Variants in PRDM16 observed in about 807,000 individuals in gnomAD.
The protein encoded by PRDM16 is PR/SET domain 16.
In PRDM16, 23 loss-of-function variants were observed where a neutral mutation model predicts 110.6. The ratio of observed to expected loss-of-function variants is 0.21; its 90% confidence interval spans 0.15 to 0.29. PRDM16 has a LOEUF of 0.29. Among genes scored for constraint, PRDM16 ranks in the 10% least tolerant of loss-of-function variants. PRDM16 has a pLI of 1.00. For missense variants in PRDM16, 1,615 were observed against 1,794.3 expected, an observed-to-expected ratio of 0.90 and a Z score of 1.81; for synonymous variants, 799 against 781.8, an observed-to-expected ratio of 1.02 and a Z score of -0.37.
rs2817140 is a variant in PRDM16 at position 3,190,052 on chromosome 1, A to G, written c.387+3578A>G. ...GGCTTTGGGATGACTGGGGAGGGTC[A>G]GGGGCTCTTCTCTCCCTGACATGGG... On this transcript the variant is annotated intron_variant, in intron 2 of 16. Transcript: ENST00000270722. The surrounding 1 kb of genome is among the most constrained non-coding windows in gnomAD (Gnocchi z 5.0). 0.9 allele frequency among the ~76,000 whole-genome samples: 137,534 copies of G among 152,174 alleles called. 62,330 individuals are homozygous for G. The highest frequency in any genetic ancestry group is 1 in the East Asian group (5,154 of 5,160).
At chr1:3,094,546 G>A (rs1465575433) in intron 1 of PRDM16, among the ~76,000 whole-genome samples, 2 of 152,198 alleles carry the variant, frequency 1.3e-5, no homozygotes, top group African/African-American at 2.4e-5. Context: ...CCCCCAGCAG[G>A]TTCAGAGCCA....
At chr1:3,346,784 C>G (rs1642371075) in intron 3 of PRDM16, among the ~76,000 whole-genome samples, 1 of 152,182 alleles carries the variant, frequency 6.6e-6, no homozygotes, top group South Asian at 2.1e-4. Flanking sequence ...AGGGAAGGGG[C>G]TCCTCTCACG....
intron 1 of PRDM16, among the ~76,000 whole-genome samples, chr1:3,128,405 T>C (rs552211190): frequency 6.6e-6 from 1 of 152,330 alleles, no homozygotes; most frequent in African/African-American, 2.4e-5. Flanking sequence ...CCTGCCTTTT[T>C]CTGATCACGA....
chr1:3,426,598 GCAC>G (rs1163094113), intron 14 of PRDM16, among the ~76,000 whole-genome samples: 1 of 152,206 alleles, frequency 6.6e-6, no homozygotes, highest in African/African-American at 2.4e-5. Context: ...CCAAAATGCT[GCAC>G]CTTTATACAC....
Position 3,350,082 on chromosome 1 carries a change from C to T in PRDM16, c.439-35070C>T, listed in dbSNP as rs1453368587. Among the ~76,000 whole-genome samples, 1 of 152,212 alleles carries T rather than the reference C, an allele frequency of 6.6e-6. No homozygotes were observed. The highest frequency in any genetic ancestry group is 1.5e-5 in the Non-Finnish European group (1 of 68,042). On this transcript the variant is annotated intron_variant, in intron 3 of 16. Transcript: ENST00000270722. The surrounding 1 kb of genome is among the most constrained non-coding windows in gnomAD (Gnocchi z 7.1). The stretch of plus-strand genomic sequence containing the variant: ...GGCCAGGTGCAGTGGCCCAAAATCC[C>T]AGCACCTTGGGAGGCCAAGGCGGGA...
At chr1:3,204,307 G>A (rs1448349287) in intron 2 of PRDM16, among the ~76,000 whole-genome samples, 1 of 152,140 alleles carries the variant, frequency 6.6e-6, no homozygotes, top group African/African-American at 2.4e-5. Context: ...TGGGGTAACT[G>A]TGGACCCCGC....
intron 2 of PRDM16, among the ~76,000 whole-genome samples, chr1:3,227,877 G>A (rs865812322): frequency 1.7e-4 from 26 of 152,346 alleles, no homozygotes; most frequent in African/African-American, 5.8e-4. Context: ...TAGAGCCGGC[G>A]TTCTCTCTTT....
At chr1:3,197,869 C>T (rs898817382) in intron 2 of PRDM16, among the ~76,000 whole-genome samples, 3 of 152,120 alleles carry the variant, frequency 2.0e-5, no homozygotes, top group Non-Finnish European at 2.9e-5. Flanking sequence ...AGGGGATGAG[C>T]GCGTGAACCT....
intron 2 of PRDM16, among the ~76,000 whole-genome samples, chr1:3,217,624 C>T (rs1875448): frequency 0.33 from 50,776 of 152,154 alleles, 13,391 homozygotes; most frequent in African/African-American, 0.73. Flanking sequence ...TTCTCCCAGC[C>T]ACTGTGGCTG....
chr1:3,269,894 AAGTCCCAGAGGAGGAC>A (rs1324984814), intron 3 of PRDM16, among the ~76,000 whole-genome samples: 26 of 114,858 alleles, frequency 2.3e-4, no homozygotes, highest in Admixed American at 1.8e-3. Context: ...CAGAGGAGGA[AAGTCCCAGAGGAGGAC>A]AGTCCAGGAG....
intron 3 of PRDM16, among the ~76,000 whole-genome samples, chr1:3,282,590 A>G (rs184875778): frequency 6.6e-6 from 1 of 152,230 alleles, no homozygotes; most frequent in East Asian, 1.9e-4. Context: ...TCTCAGGGAA[A>G]TGGGGAAAGA....
chr1:3,384,879 C>T (rs758788194), intron 3 of PRDM16, among the ~76,000 whole-genome samples: 50 of 152,292 alleles, frequency 3.3e-4, no homozygotes, highest in Admixed American at 5.9e-4. Context: ...CTCATTTTAT[C>T]GCCGGGCCAG....
At chr1:3,405,253 C>T (rs1384514608) in intron 7 of PRDM16, among the ~76,000 whole-genome samples, 3 of 152,206 alleles carry the variant, frequency 2.0e-5, no homozygotes, top group South Asian at 2.1e-4. Flanking sequence ...CCCTGTCTCA[C>T]GCAGCCTCAG....
intron 2 of PRDM16, among the ~76,000 whole-genome samples, chr1:3,234,924 G>T (rs557647433): frequency 4.6e-5 from 7 of 152,374 alleles, no homozygotes; most frequent in African/African-American, 1.4e-4. Flanking sequence ...CTGAAGTGAG[G>T]CTGGCCATCC....
chr1:3,411,772 G>T lies in PRDM16; in HGVS notation c.1575G>T (p.Arg525=), dbSNP rs1316280829. The change falls in exon 9 of 17, where the codon CGG becomes CGT. Residue 525 remains arginine (R), a synonymous_variant. Coordinates refer to ENST00000270722, the MANE Select transcript of PRDM16 (RefSeq NM_022114.4). ...TCTTCCCTCCATCCTTGTACCCCCG[G>T]CCGCCTCTGCTACCTCCCACATCGC... ...PGIFPPSLYP[R]PPLLPPTSLL... The T allele has an allele frequency of 6.2e-7, 1 of 1,611,582 alleles. No individual in the cohort carries two copies. The highest frequency in any genetic ancestry group is 8.5e-7 in the Non-Finnish European group (1 of 1,179,718).
At chr1:3,341,947 G>A (rs1488927971) in intron 3 of PRDM16, among the ~76,000 whole-genome samples, 1 of 152,230 alleles carries the variant, frequency 6.6e-6, no homozygotes, top group African/African-American at 2.4e-5. Context: ...AATTTATGAT[G>A]AGCTTCTTGG....
intron 3 of PRDM16, among the ~76,000 whole-genome samples, chr1:3,280,035 T>TA (rs1392368267): frequency 1.3e-5 from 2 of 150,448 alleles, no homozygotes; most frequent in Non-Finnish European, 3.0e-5. Context: ...ACTTTTTTTG[T>TA]AAAACAAGCA....
intron 3 of PRDM16, among the ~76,000 whole-genome samples, chr1:3,329,268 G>C (rs1002062457): frequency 2.5e-4 from 38 of 152,342 alleles, no homozygotes; most frequent in Admixed American, 2.0e-3. Context: ...GCTAGGGCAG[G>C]AGGCAGAAAT....
intron 1 of PRDM16, among the ~76,000 whole-genome samples, chr1:3,101,971 A>G (rs561823779): frequency 2.2e-3 from 339 of 152,266 alleles, no homozygotes; most frequent in African/African-American, 7.8e-3. Context: ...CCAAGGAAGG[A>G]GAGTTCACAC....
Sources: gnomAD v4.1 joint callset for allele counts (sites outside exome capture counted in the v4.1 genomes callset) on GRCh38, gnomAD v4.1.1 for gene constraint, Gnocchi (gnomAD v3.1) non-coding constraint, MANE v1.5 for transcripts, NCBI Gene and HGNC (gene_info 2026-07-23, HGNC 2026-07-21) for gene names.